Variants in PLXNB2 observed in about 807,000 individuals in gnomAD.
The protein encoded by PLXNB2 is plexin B2, also known as plexin-B2.
In PLXNB2, 85 loss-of-function variants were observed where a neutral mutation model predicts 202.6. The ratio of observed to expected loss-of-function variants is 0.42; its 90% confidence interval spans 0.35 to 0.50. The LOEUF (loss-of-function observed/expected upper bound fraction) is 0.50. Among genes scored for constraint, PLXNB2 ranks in the 20% least tolerant of loss-of-function variants. The pLI, the probability that PLXNB2 is intolerant of heterozygous loss-of-function variation, is 0.02. For synonymous variants in PLXNB2, 1,239 were observed against 1,137.6 expected, an observed-to-expected ratio of 1.09 and a Z score of -1.79; for missense variants, 2,063 against 2,586.2, an observed-to-expected ratio of 0.80 and a Z score of 4.39.
Position 50,282,686 on chromosome 22 carries a change from G to C in PLXNB2, c.2987+25C>G, listed in dbSNP as rs552582710. ...AGGCAGCTGGGTGTGGGGAGCAGAG[G>C]GGGGCGGGGGGACACCAGCCTCACC... On this transcript the variant is annotated intron_variant, in intron 18 of 36. Transcript: ENST00000359337. 12 of 1,547,932 alleles carry C rather than the reference G, an allele frequency of 7.8e-6. No individual in the cohort carries two copies. The African/African-American group carries it at 8.1e-5, about 10-fold the overall frequency.
At chr22:50,305,867 G>C (rs996186701) in intron 1 of PLXNB2, among the ~76,000 whole-genome samples, 10 of 152,184 alleles carry the variant, frequency 6.6e-5, no homozygotes, top group African/African-American at 2.2e-4. Context: ...GTCTCCCCCA[G>C]AGGGGCTTGG....
In PLXNB2 at chr22:50,290,607, G is replaced by A. The variant is rs2066797512; in HGVS notation, c.-13-10C>T. On this transcript the variant is annotated splice_polypyrimidine_tract_variant and intron_variant, in intron 2 of 36. Transcript: ENST00000359337. ...CATTGCCCCCCGCACCCTGTGGGAAGAGAGAAGGGTCAGGGGAGCCCCGAC... is the reference window on the plus strand; with the variant it reads ...CATTGCCCCCCGCACCCTGTGGGAAAAGAGAAGGGTCAGGGGAGCCCCGAC... 4 of 1,575,306 alleles carry A rather than the reference G, an allele frequency of 2.5e-6. No homozygotes were observed. Among genetic ancestry groups the A allele is most frequent in the Non-Finnish European group, 3.4e-6 (4 of 1,163,012 alleles).
In PLXNB2 at chr22:50,275,788, C is replaced by A. The variant is rs759161065; in HGVS notation, c.5433G>T (p.Glu1811Asp). 7.4e-6 allele frequency: 12 copies of A among 1,612,370 alleles called. No individual in the cohort carries two copies. Among genetic ancestry groups the A allele is most frequent in the South Asian group, 3.3e-5 (3 of 91,078 alleles). Reference sequence around the variant, plus strand: ...GCTGCATCTTCTGGGCGGCAGGATCCTCCTCCAAGGCATTGATGATCTGAG... The same window carrying A: ...GCTGCATCTTCTGGGCGGCAGGATCATCCTCCAAGGCATTGATGATCTGAG... ...YYDEIINALE[E>D]DPAAQKMQLA... The change falls in exon 37 of 37, where the codon GAG becomes GAT. Residue 1811 changes from glutamate (E) to aspartate (D), a missense_variant. Transcript: ENST00000359337.
intron 7 of PLXNB2, 139 bp from the exon 8 acceptor site, chr22:50,287,403 G>A (rs968103181): frequency 4.9e-6 from 5 of 1,018,294 alleles, no homozygotes; most frequent in Admixed American, 2.9e-5. Context: ...TCCAATACAG[G>A]CCTCTCTGTG....
intron 27 of PLXNB2, among the ~76,000 whole-genome samples, chr22:50,279,370 GC>G (rs2065832657): frequency 6.6e-6 from 1 of 152,224 alleles, no homozygotes; most frequent in African/African-American, 2.4e-5. Context: ...CACCTGGTGT[GC>G]CAGGCCCTTG....
intron 1 of PLXNB2, chr22:50,300,408 G>A: frequency 1.4e-6 from 1 of 726,540 alleles, no homozygotes; most frequent in Non-Finnish European, 1.7e-6. Context: ...TCAGGGCTCG[G>A]CCCCTCCCGG....
In PLXNB2 at chr22:50,284,555, C is replaced by A. The variant is rs1369795702; in HGVS notation, c.2181+18G>T. Reference sequence around the variant, plus strand: ...CCCTGGGGTCCAGCAGCCGAGCCGGCCTGCCCTGGAGCCGTACCTTTGGGG... The same window carrying A: ...CCCTGGGGTCCAGCAGCCGAGCCGGACTGCCCTGGAGCCGTACCTTTGGGG... On this transcript the variant is annotated intron_variant, in intron 12 of 36. Transcript: ENST00000359337. The surrounding 1 kb of genome is among the most constrained non-coding windows in gnomAD (Gnocchi z 8.0). 3.8e-6 allele frequency: 6 copies of A among 1,585,728 alleles called. No homozygotes were observed. In the South Asian group the frequency reaches 4.4e-5, roughly 12 times the overall value.
Position 50,281,971 on chromosome 22 carries a change from G to A in PLXNB2, c.3228C>T (p.Asp1076=), listed in dbSNP as rs756491902. The change falls in exon 20 of 37, where the codon GAC becomes GAT. Residue 1076 remains aspartate, a synonymous_variant. Coordinates refer to ENST00000359337, the MANE Select transcript of PLXNB2 (RefSeq NM_012401.4). ...CTGTTCTGAGCAGGGCACGGTGCCC[G>A]TCCATCTCGATCAGCACCGTGAGGT... ...AYNLTVLIEM[D]GHRALLRTEA... is the part of the protein sequence containing the mutation. The A allele has an allele frequency of 2.8e-5, 45 of 1,612,788 alleles. No individual in the cohort carries two copies. The highest frequency in any genetic ancestry group is 2.7e-4 in the Admixed American group (16 of 60,006).
intron 7 of PLXNB2, 26 bp from the exon 8 acceptor site, chr22:50,287,290 A>T (rs1478799203): frequency 6.8e-7 from 1 of 1,460,590 alleles, no homozygotes; most frequent in Non-Finnish European, 9.1e-7. Context: ...TGCCGCTCAC[A>T]CTGGGAACCC....
In PLXNB2 at chr22:50,284,106, C is replaced by T; in HGVS notation, c.2263+26G>A. Reference sequence around the variant, plus strand: ...CTTGTGCCCACCCGTCCCCTGCCCGCCCCCCACTGCGCCCGTGGCCCCCAC... The same window carrying T: ...CTTGTGCCCACCCGTCCCCTGCCCGTCCCCCACTGCGCCCGTGGCCCCCAC... On this transcript the variant is annotated intron_variant, in intron 13 of 36. Transcript: ENST00000359337. This position sits in a 1 kb window ranked among gnomAD's most constrained non-coding sequence, Gnocchi z 8.0. The T allele has an allele frequency of 1.2e-6, 2 of 1,603,108 alleles. No individual in the cohort carries two copies. The highest frequency in any genetic ancestry group is 1.7e-6 in the Non-Finnish European group (2 of 1,175,710).
rs1279623754 is a variant in PLXNB2 at position 50,286,259 on chromosome 22, G to A, written c.1791C>T (p.Leu597=). 2 of 1,613,236 alleles carry A rather than the reference G, an allele frequency of 1.2e-6. No individual in the cohort carries two copies. Among genetic ancestry groups the A allele is most frequent in the South Asian group, 2.2e-5 (2 of 91,088 alleles). The change falls in exon 9 of 37, where the codon CTC becomes CTT. Residue 597 remains leucine, a synonymous_variant. Coordinates refer to ENST00000359337, the MANE Select transcript of PLXNB2 (RefSeq NM_012401.4). ...TGAGGAAGATGTTGCCTCGTCTAAG[G>A]AGGAGCTGGATGGTCACGGCCACGT... ...QDHVAVTIQL[L]LRRGNIFLTS... is the part of the protein sequence containing the mutation.
Position 50,290,612 on chromosome 22 carries a change from A to C in PLXNB2, c.-13-15T>G. ...CCCCCCGCACCCTGTGGGAAGAGAG[A>C]AGGGTCAGGGGAGCCCCGACCCAGA... On this transcript the variant is annotated splice_polypyrimidine_tract_variant and intron_variant, in intron 2 of 36. Coordinates refer to ENST00000359337, the MANE Select transcript of PLXNB2 (RefSeq NM_012401.4). 6.4e-7 allele frequency: 1 copy of C among 1,566,790 alleles called. No homozygotes were observed. Among genetic ancestry groups the C allele is most frequent in the Non-Finnish European group, 8.6e-7 (1 of 1,158,952 alleles).
intron 8 of PLXNB2, 102 bp from the exon 9 acceptor site, chr22:50,286,389 CT>C: frequency 1.3e-6 from 1 of 782,056 alleles, no homozygotes; most frequent in South Asian, 1.5e-5. Context: ...GTGGAGACCC[CT>C]GGTCTTCAGG....
chr22:50,296,534 G>A (rs925041630), intron 1 of PLXNB2, among the ~76,000 whole-genome samples: 2 of 136,434 alleles, frequency 1.5e-5, no homozygotes, highest in Non-Finnish European at 3.0e-5. Context: ...TGAGGCTGCA[G>A]AGAGCTGAGA....
chr22:50,277,926 C>G lies in PLXNB2; in HGVS notation c.4975G>C (p.Asp1659His). 1 of 1,613,180 alleles carries G rather than the reference C, an allele frequency of 6.2e-7. No individual in the cohort carries two copies. The highest frequency in any genetic ancestry group is 8.5e-7 in the Non-Finnish European group (1 of 1,179,934). ...TTCTCTGCCTGCTCGTCCAGGAAGT[C>G]GAAGAAGTACTTGACTGCAGGTGGC... is the stretch of plus-strand genomic sequence containing the variant. ...AVPPAVKYFF[D>H]FLDEQAEKHN... is the part of the protein sequence containing the mutation. The change falls in exon 32 of 37, where the codon GAC (aspartate) becomes CAC (histidine). Residue 1659 changes from aspartate (D) to histidine (H), a missense_variant. This residue lies in a region of PLXNB2 where 760 missense variants were observed against 1,109.4 expected (regional missense o/e 0.69). Coordinates refer to ENST00000359337, the MANE Select transcript of PLXNB2 (RefSeq NM_012401.4).
chr22:50,280,367 G>C, intron 25 of PLXNB2, 122 bp downstream of exon 25: 2 of 923,740 alleles, frequency 2.2e-6, no homozygotes, highest in South Asian at 3.6e-5. Flanking sequence ...CCCACCACCA[G>C]CGCTGGCTGG....
chr22:50,275,872 C>CG lies in PLXNB2; in HGVS notation c.5412+16dup. On this transcript the variant is annotated intron_variant, in intron 36 of 36. Coordinates refer to ENST00000359337, the MANE Select transcript of PLXNB2 (RefSeq NM_012401.4). ...CCAGCACCCCACCTGCCCCCGCCCC[C>CG]GGGGGCCTGACCCTACCTCGTCATA... 1 of 1,610,498 alleles carries CG rather than the reference C, an allele frequency of 6.2e-7. No individual in the cohort carries two copies. Among genetic ancestry groups the CG allele is most frequent in the Non-Finnish European group, 8.5e-7 (1 of 1,179,000 alleles).
chr22:50,284,023 G>A lies in PLXNB2; in HGVS notation c.2264-33C>T, dbSNP rs781272976. The A allele has an allele frequency of 1.2e-5, 19 of 1,526,622 alleles. No individual in the cohort carries two copies. Among genetic ancestry groups the A allele is most frequent in the East Asian group, 4.9e-5 (2 of 40,866 alleles). 94.6% of individuals were successfully genotyped at this position (1,526,622 alleles called of 1,614,324 possible). ...GAGAGCTGCCGTCAGTGGTCACCCC[G>A]TGCCTGCCCGCCCCCGACCTGCTCC... On this transcript the variant is annotated intron_variant, in intron 13 of 36. Transcript: ENST00000359337. This position sits in a 1 kb window ranked among gnomAD's most constrained non-coding sequence, Gnocchi z 8.0.
chr22:50,278,385 A>G, intron 30 of PLXNB2, 50 bp downstream of exon 30: 1 of 1,557,254 alleles, frequency 6.4e-7, no homozygotes, highest in Non-Finnish European at 8.7e-7. Flanking sequence ...GACATGGTCC[A>G]CGCTGACCAC....
Sources: gnomAD v4.1 joint callset for allele counts (sites outside exome capture counted in the v4.1 genomes callset) on GRCh38, gnomAD v4.1.1 for gene constraint, gnomAD v4.1.1 regional missense constraint, Gnocchi (gnomAD v3.1) non-coding constraint, MANE v1.5 for transcripts, NCBI Gene and HGNC (gene_info 2026-07-23, HGNC 2026-07-21) for gene names.